DNAH12: variants seen among roughly 807,000 people sequenced by gnomAD.
DNAH12 encodes the protein axonemal beta dynein heavy chain 12.
In DNAH12, 285 loss-of-function variants were observed where a neutral mutation model predicts 371.5. The observed-to-expected ratio is 0.77, with a 90% CI of 0.70 to 0.85. The LOEUF is 0.85. Among genes scored for constraint, DNAH12 ranks in the 40% least tolerant of loss-of-function variants. The pLI is 0.00. For synonymous variants in DNAH12, 1,200 were observed against 1,213.0 expected (o/e 0.99, Z 0.22); for missense variants, 3,611 against 3,689.4 (o/e 0.98, Z 0.55).
rs2066095309 is a variant in DNAH12 at position 57,462,812 on chromosome 3, T to C, written c.2413A>G (p.Ile805Val). The C allele has an allele frequency of 1.9e-6, 3 of 1,551,428 alleles. No homozygotes were observed. The highest frequency in any genetic ancestry group is 1.4e-5 in the African/African-American group (1 of 73,018). Reference sequence around the variant, plus strand: ...AAGTCATAGCCTACAATTTCTGATATCTGTTTCCAGTGACGAGCTCTCATT... The same window carrying C: ...AAGTCATAGCCTACAATTTCTGATACCTGTTTCCAGTGACGAGCTCTCATT... ...PGMRARHWKQ[I>V]SEIVGYDLTP... Residue 805 changes from isoleucine (I) to valine (V), a missense_variant, in exon 18 of 74, where the codon ATA (isoleucine) becomes GTA (valine). By Grantham distance (29) the Ile-to-Val change is conservative (BLOSUM62 3). Around this residue, in one of 3 missense-constraint regions of DNAH12, gnomAD observed 1,314 missense variants for 1,398.7 expected, o/e 0.94. Transcript: ENST00000495027.
intron 20 of DNAH12, among the ~76,000 whole-genome samples, 197 bp downstream of exon 20, chr3:57,459,395 G>C (rs962469126): frequency 1.3e-5 from 2 of 152,158 alleles, no homozygotes; most frequent in African/African-American, 2.4e-5. Context: ...ATACTAAAGA[G>C]TTACAAGCAA....
chr3:57,345,904 CTT>C (rs1553657892), intron 60 of DNAH12, among the ~76,000 whole-genome samples: 1 of 152,024 alleles, frequency 6.6e-6, no homozygotes, highest in African/African-American at 2.4e-5. Context: ...GTTCATCTGT[CTT>C]TTCAAAGTGT....
rs1430816679 is a variant in DNAH12, at chr3:57,469,074, AG to A, written c.2106-96del. On this transcript the variant is annotated intron_variant, in intron 16 of 73. Transcript: ENST00000495027. ...GGCTAGACCCCTTGTTTTTTAAGAG[AG>A]AAAAATGAGGGCAAGAGCTGTTAAC... 1.2e-5 allele frequency: 15 copies of A among 1,213,216 alleles called. No homozygotes were observed. In the Admixed American group the frequency reaches 1.6e-4, roughly 13 times the overall value. 75.2% of individuals were successfully genotyped at this position (1,213,216 alleles called of 1,614,324 possible). A position where few individuals can be genotyped will look rare whatever the true frequency, so the allele number is the denominator to read the frequency against.
chr3:57,523,744 T>C (rs2068530445), intron 3 of DNAH12, 59 bp downstream of exon 3: 6 of 1,471,854 alleles, frequency 4.1e-6, no homozygotes, highest in East Asian at 2.3e-5. Context: ...TGAGATTGTC[T>C]TAACTACAAA....
the DNAH12 span, among the ~76,000 whole-genome samples, chr3:57,550,423 A>G: frequency 6.6e-6 from 1 of 152,210 alleles, no homozygotes; most frequent in Admixed American, 6.5e-5. Context: ...TAAGAAATCC[A>G]TAAGCCTTTT....
intron 60 of DNAH12, among the ~76,000 whole-genome samples, chr3:57,335,635 G>A (rs1234134643): frequency 6.6e-6 from 1 of 152,168 alleles, no homozygotes; most frequent in Non-Finnish European, 1.5e-5. Context: ...ATGTATTTGT[G>A]TATCTAAACG....
At chr3:57,402,489 G>A in intron 43 of DNAH12, 1 of 1,221,674 alleles carries the variant, frequency 8.2e-7, no homozygotes. Context: ...ATCATCATCA[G>A]GTTCATGGTT....
intron 13 of DNAH12, among the ~76,000 whole-genome samples, chr3:57,476,562 T>A (rs2066532833): frequency 2.3e-5 from 1 of 44,424 alleles, no homozygotes; most frequent in African/African-American, 7.9e-5. Flanking sequence ...AGACTCTGTC[T>A]CAAAAAAATA....
chr3:57,455,247 T>C (rs1559680184), intron 22 of DNAH12, among the ~76,000 whole-genome samples: 1 of 147,928 alleles, frequency 6.8e-6, no homozygotes, highest in Non-Finnish European at 1.5e-5. Context: ...CATAATAAAA[T>C]ATAAAAATTT....
intron 39 of DNAH12, among the ~76,000 whole-genome samples, chr3:57,413,397 G>C (rs1559631006): frequency 6.6e-6 from 1 of 152,108 alleles, no homozygotes; most frequent in Non-Finnish European, 1.5e-5. Flanking sequence ...CAAACCCATA[G>C]CATGTACAAC....
intron 49 of DNAH12, among the ~76,000 whole-genome samples, chr3:57,384,597 T>C (rs910549324): frequency 1.8e-4 from 27 of 152,138 alleles, no homozygotes; most frequent in Admixed American, 7.9e-4. Context: ...TGGGCCATGA[T>C]TGCACTACTG....
chr3:57,533,204 C>T (rs1028365249), intron 2 of DNAH12, among the ~76,000 whole-genome samples: 2 of 151,952 alleles, frequency 1.3e-5, no homozygotes, highest in Admixed American at 6.6e-5. Flanking sequence ...GTGAATGCTG[C>T]GTGGCCTGGG....
At chr3:57,527,625 TA>T (rs1020889601) in intron 2 of DNAH12, among the ~76,000 whole-genome samples, 40 of 152,202 alleles carry the variant, frequency 2.6e-4, no homozygotes, top group African/African-American at 9.2e-4. Context: ...GGATGGTGCT[TA>T]ACCATTTATG....
intron 44 of DNAH12, among the ~76,000 whole-genome samples, chr3:57,393,625 C>CAAAAAAAAAATAAAA (rs2063673605): frequency 1.6e-5 from 1 of 64,298 alleles, no homozygotes; most frequent in African/African-American, 8.7e-5. Context: ...GACTCTGTCT[C>CAAAAAAAAAATAAAA]AAAAAAAAAA....
intron 16 of DNAH12, among the ~76,000 whole-genome samples, chr3:57,469,832 G>C (rs141815524): frequency 7.4e-4 from 113 of 152,210 alleles, no homozygotes; most frequent in Middle Eastern, 3.4e-3. Flanking sequence ...AACTACTAGA[G>C]GTGGGAGAGA....
In DNAH12 at chr3:57,446,529, T is replaced by C. The variant is rs2065503144; in HGVS notation, c.3939+8A>G. 6.6e-7 allele frequency: 1 copy of C among 1,518,402 alleles called. No individual in the cohort carries two copies. The highest frequency in any genetic ancestry group is 8.8e-7 in the Non-Finnish European group (1 of 1,131,904). The allele number at this position is 1,518,402 out of a possible 1,614,324, so 94.1% of individuals were successfully genotyped here. A position where few individuals can be genotyped will look rare whatever the true frequency, so the allele number is the denominator to read the frequency against. On this transcript the variant is annotated splice_region_variant and intron_variant, in intron 26 of 73. Coordinates refer to ENST00000495027, the MANE Select transcript of DNAH12 (RefSeq NM_001366028.2). ...CATTTAATATTATTGATTCAGCAAT[T>C]TAACTACCTTTCCCATTGCTAGATA...
At chr3:57,453,183 C>T in intron 24 of DNAH12, 64 bp downstream of exon 24, 2 of 1,488,424 alleles carry the variant, frequency 1.3e-6, no homozygotes, top group African/African-American at 1.4e-5. Flanking sequence ...ACATATAGTA[C>T]AAGTCTTTGT....
chr3:57,426,689 T>C (rs2064779222), intron 34 of DNAH12, among the ~76,000 whole-genome samples: 1 of 151,322 alleles, frequency 6.6e-6, no homozygotes, highest in African/African-American at 2.4e-5. Context: ...ATACAAAAAT[T>C]AGCCAGGTGT....
chr3:57,346,272 A>G (rs1163375124), intron 60 of DNAH12, among the ~76,000 whole-genome samples: 1 of 152,156 alleles, frequency 6.6e-6, no homozygotes, highest in African/African-American at 2.4e-5. Flanking sequence ...GGATAAGTGA[A>G]ATGAATGACC....
Sources: allele counts gnomAD v4.1 joint callset (sites outside exome capture counted in the v4.1 genomes callset), GRCh38; gene constraint gnomAD v4.1.1; regional missense constraint gnomAD v4.1.1; transcripts MANE v1.5; gene names NCBI Gene and HGNC (gene_info 2026-07-23, HGNC 2026-07-21).